Variants in LEKR1 observed in about 807,000 individuals in gnomAD.
The protein encoded by LEKR1 is leucine, glutamate and lysine rich 1, also known as protein LEKR1.
LEKR1 carries 59 observed loss-of-function variants against 72.4 expected under a neutral mutation model. The ratio of observed to expected loss-of-function variants is 0.82; its 90% CI spans 0.66 to 1.01. The LOEUF (loss-of-function observed/expected upper bound fraction) is 1.01, where lower values mean the gene tolerates loss of function less well. LEKR1 is among the 50% of genes least tolerant of loss of function. The pLI is 0.00. For missense variants in LEKR1, 728 were observed against 759.2 expected, an observed-to-expected ratio of 0.96 and a Z score of 0.48; for synonymous variants, 257 against 263.2, an observed-to-expected ratio of 0.98 and a Z score of 0.23.
In LEKR1 at chr3:157,045,426, C is replaced by T. The variant is rs1279799921; in HGVS notation, c.1755C>T (p.Leu585=). 5 of 1,613,990 alleles carry T rather than the reference C, an allele frequency of 3.1e-6. No individual in the cohort carries two copies. Among genetic ancestry groups the T allele is most frequent in the Non-Finnish European group, 4.2e-6 (5 of 1,180,022 alleles). ...TEALSQAREQ[L]LELSKLRGSL... ...CTTTGAGTCAAGCCAGAGAACAGCT[C>T]CTGGAGCTCAGTAAGCTTCGTGGAA... The change falls in exon 13 of 13, where the codon CTC becomes CTT. Residue 585 remains leucine, a synonymous_variant. Transcript: ENST00000356539.
chr3:156,963,597 T>TA (rs1232045234), intron 6 of LEKR1, among the ~76,000 whole-genome samples: 1 of 152,098 alleles, frequency 6.6e-6, no homozygotes, highest in Non-Finnish European at 1.5e-5. Context: ...TTAACATCAT[T>TA]AAAAAAATCA....
chr3:156,843,044 A>G (rs1714140035), intron 2 of LEKR1, among the ~76,000 whole-genome samples: 2 of 152,152 alleles, frequency 1.3e-5, no homozygotes, highest in African/African-American at 4.8e-5. Flanking sequence ...GCTGACTCCT[A>G]CCTGTCCCTG....
chr3:156,830,698 C>T lies in LEKR1; in HGVS notation c.48+1321C>T, dbSNP rs1485657574. ...TTCAAGAAAAAACAAAGTCATTCCA[C>T]AGAGTGAGCAGAGAGTGGTGAAAAG... On this transcript the variant is annotated intron_variant, in intron 2 of 12. Transcript: ENST00000356539. 2.0e-5 allele frequency among the ~76,000 whole-genome samples: 3 copies of T among 151,756 alleles called. No homozygotes were observed. The East Asian group carries it at 5.8e-4, about 29-fold the overall frequency.
At chr3:157,015,248 A>G (rs1290981284) in intron 10 of LEKR1, among the ~76,000 whole-genome samples, 1 of 152,148 alleles carries the variant, frequency 6.6e-6, no homozygotes, top group East Asian at 1.9e-4. Flanking sequence ...TAGTGTTCAC[A>G]GGAGAGAGTT....
chr3:157,036,764 T>A (rs1476494792), intron 12 of LEKR1, among the ~76,000 whole-genome samples: 1 of 152,156 alleles, frequency 6.6e-6, no homozygotes, highest in Non-Finnish European at 1.5e-5. Flanking sequence ...TCTTAGAATG[T>A]TGAGCAGAAG....
rs898288534 is a variant in LEKR1, at chr3:156,932,103, G to A, written c.559+4499G>A. Among the ~76,000 whole-genome samples the A allele has an allele frequency of 2.4e-4, 37 of 152,090 alleles. 2 individuals carry two copies. The highest frequency in any genetic ancestry group is 2.2e-3 in the Admixed American group (33 of 15,270). On this transcript the variant is annotated intron_variant, in intron 5 of 12. Transcript: ENST00000356539. Reference sequence around the variant, plus strand: ...ATATTCACAGGATGGATTGATGGATGTATAAAGTATTTGACAGGTATATAG... The same window carrying A: ...ATATTCACAGGATGGATTGATGGATATATAAAGTATTTGACAGGTATATAG...
chr3:156,914,820 C>T (rs541285740), intron 3 of LEKR1, among the ~76,000 whole-genome samples: 8 of 152,130 alleles, frequency 5.3e-5, no homozygotes, highest in South Asian at 2.1e-4. Context: ...GTTTGGGGTA[C>T]ATGTACAGGT....
At chr3:156,856,645 A>G (rs1006471889) in intron 3 of LEKR1, among the ~76,000 whole-genome samples, 3 of 152,132 alleles carry the variant, frequency 2.0e-5, no homozygotes, top group East Asian at 1.9e-4. Context: ...TAATTTTTAA[A>G]TACATCGTGT....
Position 156,979,254 on chromosome 3 carries a change from A to G in LEKR1, c.806A>G (p.Asp269Gly), listed in dbSNP as rs765870906. The change falls in exon 7 of 13, where the codon GAC becomes GGC. Residue 269 changes from aspartate (D) to glycine (G), a missense_variant. Coordinates refer to ENST00000356539, the MANE Select transcript of LEKR1 (RefSeq NM_001004316.3). ...CTTCAGAAGGCGGTGACAGAGATGG[A>G]CAACTATAAAGAAATGCTTATGTAA... ...LKLQKAVTEMDNYKEMLMNKS... is the reference protein window; with the variant it reads ...LKLQKAVTEMGNYKEMLMNKS... 7.8e-7 allele frequency: 1 copy of G among 1,284,436 alleles called. No homozygotes were observed. The highest frequency in any genetic ancestry group is 1.2e-5 in the South Asian group (1 of 80,914). The allele number at this position is 1,284,436 out of a possible 1,614,324, so 79.6% of individuals were successfully genotyped here.
intron 10 of LEKR1, among the ~76,000 whole-genome samples, chr3:157,020,153 C>T (rs1386738153): frequency 5.3e-5 from 8 of 151,900 alleles, no homozygotes; most frequent in East Asian, 1.9e-4. Context: ...CTTTCTAACT[C>T]GAGTAAAACA....
At chr3:157,044,304 T>C (rs560931269) in intron 12 of LEKR1, among the ~76,000 whole-genome samples, 1 of 152,350 alleles carries the variant, frequency 6.6e-6, no homozygotes, top group South Asian at 2.1e-4. Context: ...CATAAAGACA[T>C]GAATGTCAGG....
At chr3:156,930,425 C>T (rs1725114436) in intron 5 of LEKR1, among the ~76,000 whole-genome samples, 1 of 151,912 alleles carries the variant, frequency 6.6e-6, no homozygotes, top group South Asian at 2.1e-4. Context: ...TGTAACATGA[C>T]AACTAGAGTC....
At chr3:156,845,622 C>A (rs1714493312) in intron 2 of LEKR1, among the ~76,000 whole-genome samples, 1 of 151,832 alleles carries the variant, frequency 6.6e-6, no homozygotes, top group Middle Eastern at 3.4e-3. Flanking sequence ...TGCTTTTGTA[C>A]CTTTGTCAAA....
At chr3:156,835,451 G>A (rs192821030) in intron 2 of LEKR1, among the ~76,000 whole-genome samples, 4 of 152,342 alleles carry the variant, frequency 2.6e-5, no homozygotes, top group African/African-American at 7.2e-5. Context: ...CAAGGGCTCC[G>A]TTTTTACGCC....
intron 12 of LEKR1, among the ~76,000 whole-genome samples, chr3:157,042,281 C>T (rs1201788056): frequency 3.3e-5 from 5 of 152,208 alleles, no homozygotes; most frequent in Non-Finnish European, 5.9e-5. Context: ...AATCCTTTGT[C>T]TTGCAAGCTA....
At chr3:156,978,731 C>T (rs929922711) in intron 6 of LEKR1, among the ~76,000 whole-genome samples, 1 of 152,056 alleles carries the variant, frequency 6.6e-6, no homozygotes. Flanking sequence ...AGAGTTAACA[C>T]GTTCTTTACT....
chr3:156,831,661 G>T (rs535726973), intron 2 of LEKR1, among the ~76,000 whole-genome samples: 1 of 152,246 alleles, frequency 6.6e-6, no homozygotes, highest in South Asian at 2.1e-4. Flanking sequence ...GTGCAGGGGC[G>T]CTCCTCTTTA....
intron 10 of LEKR1, among the ~76,000 whole-genome samples, chr3:157,012,599 ACTCAGCCAATAGTAGCC>A (rs1356442941): frequency 1.3e-5 from 2 of 152,074 alleles, no homozygotes; most frequent in African/African-American, 4.8e-5. Context: ...AGTTGGCCAT[ACTCAGCCAATAGTAGCC>A]CTCTAAAAAC....
chr3:156,868,903 C>T (rs990007846), intron 3 of LEKR1, among the ~76,000 whole-genome samples: 4 of 151,862 alleles, frequency 2.6e-5, no homozygotes, highest in African/African-American at 7.3e-5. Flanking sequence ...TCCATGAGAT[C>T]GACTTTTTTT....
Sources: gnomAD v4.1 joint callset for allele counts (sites outside exome capture counted in the v4.1 genomes callset) on GRCh38, gnomAD v4.1.1 for gene constraint, MANE v1.5 for transcripts, NCBI Gene and HGNC (gene_info 2026-07-23, HGNC 2026-07-21) for gene names.